Variants in PIAS3 observed in about 807,000 individuals in gnomAD.
PIAS3 encodes the protein E3 SUMO-protein ligase PIAS3.
PIAS3 carries 34 observed loss-of-function variants against 67.6 expected under a neutral mutation model. The ratio of observed to expected loss-of-function variants is 0.50; its 90% confidence interval spans 0.38 to 0.67. The LOEUF (loss-of-function observed/expected upper bound fraction) is 0.67, where lower values mean the gene tolerates loss of function less well. Ranked by LOEUF, PIAS3 falls within the 30% of genes least tolerant of loss-of-function variation. The pLI is 0.00. For synonymous variants in PIAS3, 341 were observed against 313.8 expected, an observed-to-expected ratio of 1.09 and a Z score of -0.92; for missense variants, 693 against 791.6, an observed-to-expected ratio of 0.88 and a Z score of 1.49.
chr1:145,850,153 T>C, intron 13 of PIAS3, 79 bp downstream of exon 13: 3 of 1,606,784 alleles, frequency 1.9e-6, no homozygotes, highest in South Asian at 2.2e-5. Context: ...CCAGAGATCA[T>C]AAGAGAGGGA....
Position 145,859,004 on chromosome 1 carries a change from A to C in PIAS3, c.-14T>G. The C allele has an allele frequency of 6.5e-7, 1 of 1,542,676 alleles. No individual in the cohort carries two copies. Among genetic ancestry groups the C allele is most frequent in the Admixed American group, 2.0e-5 (1 of 49,350 alleles). On this transcript the variant is annotated 5_prime_UTR_variant, in exon 1 of 14. Transcript: ENST00000393045. ...CAGCTCCGCCATCTTGAGACATCGC[A>C]GGCGCCCCAGCCGGAGCCGGAGCTC...
chr1:145,856,545 C>T, intron 2 of PIAS3, 44 bp downstream of exon 2: 1 of 1,590,952 alleles, frequency 6.3e-7, no homozygotes, highest in Non-Finnish European at 8.6e-7. Context: ...GTTTGGGGAA[C>T]AGGTAGGGAG....
chr1:145,855,929 GC>G, intron 4 of PIAS3, 103 bp from the exon 5 acceptor site: 1 of 1,034,562 alleles, frequency 9.7e-7, no homozygotes, highest in Non-Finnish European at 1.5e-6. Context: ...GATGCCTGAA[GC>G]CCTCAGCATC....
chr1:145,849,960 C>A, intron 13 of PIAS3: 1 of 1,419,912 alleles, frequency 7.0e-7, no homozygotes, highest in Non-Finnish European at 9.1e-7. Flanking sequence ...GTGGAATGTC[C>A]GGTTAGAGCA....
At position 145,849,624 on chromosome 1, in the gene PIAS3, A is replaced by G. The variant is rs1553733629; in HGVS notation, c.1709T>C (p.Leu570Pro). Residue 570 changes from leucine (L) to proline (P), a missense_variant, in exon 14 of 14, where the codon CTG (leucine) becomes CCG (proline). Physicochemically the swap from Leu to Pro is moderately conservative, Grantham distance 98. Transcript: ENST00000393045. ...FQYRGTPSHF[L>P]GPLAPTLGSS... ...CCCCAGCGTGGGGGCCAGTGGGCCCAGAAAGTGAGAAGGGGTCCCTCGGTA... is the reference window on the plus strand; with the variant it reads ...CCCCAGCGTGGGGGCCAGTGGGCCCGGAAAGTGAGAAGGGGTCCCTCGGTA... 6.2e-7 allele frequency: 1 copy of G among 1,613,370 alleles called. No individual in the cohort carries two copies. Among genetic ancestry groups the G allele is most frequent in the African/African-American group, 1.3e-5 (1 of 74,928 alleles).
At position 145,856,051 on chromosome 1, in the gene PIAS3, A is replaced by C. The variant is rs1553735518; in HGVS notation, c.578+17T>G. The stretch of plus-strand genomic sequence containing the variant: ...CCCCCAGTGGGTACCCAGGATAGGC[A>C]GGGAGGATGAACTCACCTTAGCTGC... On this transcript the variant is annotated intron_variant, in intron 4 of 13. Transcript: ENST00000393045. The C allele has an allele frequency of 6.2e-7, 1 of 1,609,644 alleles. No homozygotes were observed. The highest frequency in any genetic ancestry group is 1.1e-5 in the South Asian group (1 of 90,996).
chr1:145,852,541 GT>G lies in PIAS3; in HGVS notation c.1145+962del, dbSNP rs1183731941. 5.5e-3 allele frequency among the ~76,000 whole-genome samples: 801 copies of G among 144,910 alleles called. 1 individual carries two copies. The highest frequency in any genetic ancestry group is 0.011 in the Middle Eastern group (3 of 282). ...GTAATGATACTACCTATCTCATAGG[GT>G]TTTTTTTTTTCTTTTTTTTTTTCTG... On this transcript the variant is annotated intron_variant, in intron 9 of 13. Coordinates refer to ENST00000393045, the MANE Select transcript of PIAS3 (RefSeq NM_006099.3).
chr1:145,857,013 A>T lies in PIAS3; in HGVS notation c.25-7T>A, dbSNP rs1459769763. On this transcript the variant is annotated splice_polypyrimidine_tract_variant and splice_region_variant and intron_variant, in intron 1 of 13. Coordinates refer to ENST00000393045, the MANE Select transcript of PIAS3 (RefSeq NM_006099.3). ...GGAAACTCATCACCATGTGCTGTGG[A>T]GAAAAACAGAGAAGCTTGAGCATCC... 3.1e-6 allele frequency: 5 copies of T among 1,611,956 alleles called. No homozygotes were observed. In the African/African-American group the frequency reaches 5.3e-5, roughly 17 times the overall value.
chr1:145,856,220 A>G, intron 3 of PIAS3, 102 bp from the exon 4 acceptor site: 1 of 1,258,694 alleles, frequency 7.9e-7, no homozygotes, highest in Non-Finnish European at 1.2e-6. Flanking sequence ...GAGATAGAGA[A>G]GAGACACACA....
chr1:145,853,819 C>A lies in PIAS3; in HGVS notation c.978G>T (p.Met326Ile). 2 of 1,613,966 alleles carry A rather than the reference C, an allele frequency of 1.2e-6. No individual in the cohort carries two copies. The highest frequency in any genetic ancestry group is 1.7e-6 in the Non-Finnish European group (2 of 1,179,836). ...VATTSLRVSL[M>I]CPLGKMRLTV... ...CTTCTCCCCTTTTACCCACCGGGCA[C>A]ATGAGTGACACCCGGAGACTTGTAG... Residue 326 changes from methionine to isoleucine, a missense_variant, in exon 8 of 14, where the codon ATG becomes ATT. Around this residue, in one of 3 missense-constraint regions of PIAS3, gnomAD observed 115 missense variants for 181.8 expected, o/e 0.63. Transcript: ENST00000393045.
chr1:145,850,370 G>A (rs930171581), intron 12 of PIAS3, 83 bp downstream of exon 12: 14 of 1,611,246 alleles, frequency 8.7e-6, no homozygotes, highest in Non-Finnish European at 1.2e-5. Context: ...AGAAGCAGGA[G>A]GCTTTGAGAA....
intron 1 of PIAS3, among the ~76,000 whole-genome samples, chr1:145,857,649 C>T (rs930157677): frequency 2.0e-5 from 3 of 152,168 alleles, no homozygotes; most frequent in Non-Finnish European, 2.9e-5. Context: ...TTCTTGGAAT[C>T]GTTTATATAA....
intron 13 of PIAS3, 78 bp downstream of exon 13, chr1:145,850,153 TA>T: frequency 6.2e-7 from 1 of 1,606,784 alleles, no homozygotes; most frequent in Non-Finnish European, 8.5e-7. Context: ...CCAGAGATCA[TA>T]AGAGAGGGAG....
chr1:145,854,517 G>C lies in PIAS3; in HGVS notation c.851C>G (p.Thr284Ser), dbSNP rs200283710. The part of the protein sequence containing the change: ...VYLVRQLTAG[T>S]LLQKLRAKGI... ...CTTTGCTCTGAGTTTTTGTAGAAGG[G>C]TTCCTGCAGTCAACTGCCTCACCAG... The change falls in exon 7 of 14, where the codon ACC becomes AGC. Residue 284 changes from threonine (T) to serine (S), a missense_variant. By Grantham distance (58) the Thr-to-Ser change is moderately conservative (BLOSUM62 1). Coordinates refer to ENST00000393045, the MANE Select transcript of PIAS3 (RefSeq NM_006099.3). The C allele has an allele frequency of 1.4e-5, 23 of 1,614,182 alleles. No individual in the cohort carries two copies. Among genetic ancestry groups the C allele is most frequent in the Non-Finnish European group, 1.9e-5 (23 of 1,180,016 alleles).
At position 145,850,562 on chromosome 1, in the gene PIAS3, T is replaced by C. The variant is rs1290591305; in HGVS notation, c.1473A>G (p.Pro491=). 4 of 1,614,076 alleles carry C rather than the reference T, an allele frequency of 2.5e-6. No individual in the cohort carries two copies. The African/African-American group carries it at 5.3e-5, about 22-fold the overall frequency. ...SKGVLTSGHQ[P]SSVLRSPAMG... ...TAGCAGGGCTCCTTAGCACCGAGGA[T>C]GGCTGGTGGCCAGATGTCAGGACTC... is the stretch of plus-strand genomic sequence containing the variant. Residue 491 remains proline, a synonymous_variant, in exon 12 of 14, where the codon CCA becomes CCG. Transcript: ENST00000393045.
At chr1:145,852,541 GTT>G (rs1183731941) in intron 9 of PIAS3, among the ~76,000 whole-genome samples, 1 of 144,880 alleles carries the variant, frequency 6.9e-6, no homozygotes, top group African/African-American at 2.5e-5. Flanking sequence ...ATCTCATAGG[GTT>G]TTTTTTTTTC....
In PIAS3 at chr1:145,849,646, G is replaced by A. The variant is rs373004707; in HGVS notation, c.1687C>T (p.Arg563Ter). ...QDALGHFFQY[R>*]GTPSHFLGPL... ...CCCAGAAAGTGAGAAGGGGTCCCTC[G>A]GTACTGGAAGAAGTGGCCAAGGGCA... Residue 563 changes from arginine to a stop codon, truncating the protein, a stop_gained, in exon 14 of 14, where the codon CGA becomes TGA. Transcript: ENST00000393045. LOFTEE classifies it high-confidence loss of function. 30 of 1,613,086 alleles carry A rather than the reference G, an allele frequency of 1.9e-5. No individual in the cohort carries two copies. Among genetic ancestry groups the A allele is most frequent in the Non-Finnish European group, 2.5e-5 (29 of 1,179,582 alleles).
At position 145,854,864 on chromosome 1, in the gene PIAS3, G is replaced by A; in HGVS notation, c.686C>T (p.Thr229Ile). 1 of 1,614,224 alleles carries A rather than the reference G, an allele frequency of 6.2e-7. No homozygotes were observed. Among genetic ancestry groups the A allele is most frequent in the Non-Finnish European group, 8.5e-7 (1 of 1,180,030 alleles). Residue 229 changes from threonine (T) to isoleucine (I), a missense_variant, in exon 6 of 14, where the codon ACC becomes ATC. By Grantham distance (89) the Thr-to-Ile change is moderately conservative (BLOSUM62 -1). This residue lies in a region of PIAS3 where 308 missense variants were observed against 348.8 expected (regional missense o/e 0.88). Coordinates refer to ENST00000393045, the MANE Select transcript of PIAS3 (RefSeq NM_006099.3). ...LCPLPGYLPPTKNGAEPKRPS... is the reference protein window; with the variant it reads ...LCPLPGYLPPIKNGAEPKRPS... ...CCTCTTGGGCTCGGCCCCATTCTTG[G>A]TTGGGGGAAGGTAACCCTGGAGAAG...
At chr1:145,855,485 A>G (rs1162711475) in intron 5 of PIAS3, among the ~76,000 whole-genome samples, 1 of 150,256 alleles carries the variant, frequency 6.7e-6, no homozygotes, top group Admixed American at 6.6e-5. Context: ...CTCTGTCTCA[A>G]AAAAAAAAAA....
Sources: allele counts gnomAD v4.1 joint callset (sites outside exome capture counted in the v4.1 genomes callset), GRCh38; gene constraint gnomAD v4.1.1; regional missense constraint gnomAD v4.1.1; transcripts MANE v1.5; gene names NCBI Gene and HGNC (gene_info 2026-07-23, HGNC 2026-07-21).